Variants in RAPGEF4 observed in about 807,000 individuals in gnomAD.
The protein encoded by RAPGEF4 is Rap guanine nucleotide exchange factor 4.
In RAPGEF4, 66 loss-of-function variants were observed where a neutral mutation model predicts 147.9. The observed-to-expected ratio is 0.45, with a 90% confidence interval of 0.37 to 0.55. RAPGEF4 has a LOEUF of 0.55. Ranked by LOEUF, RAPGEF4 falls within the 20% of genes least tolerant of loss-of-function variation. RAPGEF4 has a pLI of 0.00. For missense variants in RAPGEF4, 1,071 were observed against 1,257.3 expected, an observed-to-expected ratio of 0.85 and a Z score of 2.24; for synonymous variants, 419 against 442.7, an observed-to-expected ratio of 0.95 and a Z score of 0.67.
At chr2:172,789,371 C>T (rs1685572199) in intron 1 of RAPGEF4, among the ~76,000 whole-genome samples, 1 of 152,182 alleles carries the variant, frequency 6.6e-6, no homozygotes, top group South Asian at 2.1e-4. Context: ...AAGGATTATA[C>T]AAGGTGTGGG....
At chr2:172,962,631 T>A (rs960875661) in intron 8 of RAPGEF4, among the ~76,000 whole-genome samples, 1 of 151,996 alleles carries the variant, frequency 6.6e-6, no homozygotes, top group African/African-American at 2.4e-5. Flanking sequence ...CATGAATATG[T>A]TAGAAGACCA....
intron 1 of RAPGEF4, among the ~76,000 whole-genome samples, chr2:172,775,138 G>A (rs974786617): frequency 1.3e-5 from 2 of 152,138 alleles, no homozygotes; most frequent in African/African-American, 4.8e-5. Flanking sequence ...GCATGGGTGG[G>A]TAGTTACAGT....
chr2:172,756,812 T>C (rs1031474820), intron 1 of RAPGEF4, among the ~76,000 whole-genome samples: 4 of 152,190 alleles, frequency 2.6e-5, no homozygotes, highest in African/African-American at 7.2e-5. Context: ...GTAGTTCAAA[T>C]AAAGAATTCC....
chr2:172,959,905 CA>C (rs1559146057), intron 6 of RAPGEF4, among the ~76,000 whole-genome samples: 5 of 152,134 alleles, frequency 3.3e-5, no homozygotes, highest in Non-Finnish European at 7.3e-5. Context: ...GCCTGGGCAA[CA>C]TATCGAGACC....
chr2:172,779,137 C>T (rs569655441), intron 1 of RAPGEF4, among the ~76,000 whole-genome samples: 12 of 152,180 alleles, frequency 7.9e-5, no homozygotes, highest in East Asian at 7.7e-4. Flanking sequence ...ACATTGTTCT[C>T]GGTACTGGAG....
intron 6 of RAPGEF4, among the ~76,000 whole-genome samples, chr2:172,929,395 T>A (rs1270640937): frequency 6.6e-6 from 1 of 152,200 alleles, no homozygotes; most frequent in East Asian, 1.9e-4. Flanking sequence ...TGCACATATA[T>A]ATACATATAC....
chr2:172,764,195 A>T (rs1696613668), intron 1 of RAPGEF4, among the ~76,000 whole-genome samples: 1 of 152,028 alleles, frequency 6.6e-6, no homozygotes, highest in Non-Finnish European at 1.5e-5. Context: ...TTGAGGTTGC[A>T]TTGAACCATG....
At chr2:172,765,937 G>C (rs1177015385) in intron 1 of RAPGEF4, among the ~76,000 whole-genome samples, 1 of 152,174 alleles carries the variant, frequency 6.6e-6, no homozygotes, top group African/African-American at 2.4e-5. Flanking sequence ...ACATGAAGTA[G>C]CTGTCACTTC....
chr2:172,866,367 A>T (rs1694649374), intron 4 of RAPGEF4, among the ~76,000 whole-genome samples: 1 of 152,166 alleles, frequency 6.6e-6, no homozygotes, highest in South Asian at 2.1e-4. Context: ...TAATTTTTCT[A>T]TAGCATTTGA....
chr2:172,788,312 T>G (rs1685444005), intron 1 of RAPGEF4, among the ~76,000 whole-genome samples: 1 of 151,994 alleles, frequency 6.6e-6, no homozygotes, highest in Non-Finnish European at 1.5e-5. Flanking sequence ...TAATAAATAA[T>G]GGGGTTAGAT....
At chr2:172,872,368 GA>G (rs1695338546) in intron 4 of RAPGEF4, among the ~76,000 whole-genome samples, 1 of 152,080 alleles carries the variant, frequency 6.6e-6, no homozygotes, top group Non-Finnish European at 1.5e-5. Flanking sequence ...CAACTTTTAG[GA>G]TAAGGCATCC....
rs201731626 is a variant in RAPGEF4 at position 172,961,090 on chromosome 2, T to A, written c.592-32T>A. ...TTTTCCTTCTATAAACACTTCTTTC[T>A]CCTCCCCTCCTTCCACCTGATTACA... On this transcript the variant is annotated intron_variant, in intron 7 of 30. Transcript: ENST00000397081. 1.3e-4 allele frequency: 193 copies of A among 1,444,606 alleles called. 2 individuals are homozygous for A. The African/African-American group carries it at 2.6e-3, about 19-fold the overall frequency. The allele number at this position is 1,444,606 out of a possible 1,614,324, so 89.5% of individuals were successfully genotyped here.
intron 4 of RAPGEF4, among the ~76,000 whole-genome samples, chr2:172,891,383 C>G (rs1697893211): frequency 6.6e-6 from 1 of 152,196 alleles, no homozygotes; most frequent in Non-Finnish European, 1.5e-5. Flanking sequence ...AACTCAATCT[C>G]TCAATGTATA....
At chr2:172,906,584 G>A (rs1285955807) in intron 4 of RAPGEF4, among the ~76,000 whole-genome samples, 1 of 152,228 alleles carries the variant, frequency 6.6e-6, no homozygotes, top group Non-Finnish European at 1.5e-5. Context: ...GTTGTGGGAA[G>A]GGGTGTGCCC....
chr2:172,786,076 G>A (rs544631005), intron 1 of RAPGEF4, among the ~76,000 whole-genome samples: 2 of 152,146 alleles, frequency 1.3e-5, no homozygotes, highest in African/African-American at 2.4e-5. Flanking sequence ...TTCTTATTTT[G>A]TGCTCCACCT....
At chr2:172,857,128 A>G (rs911740726) in intron 4 of RAPGEF4, among the ~76,000 whole-genome samples, 10 of 151,966 alleles carry the variant, frequency 6.6e-5, no homozygotes, top group African/African-American at 2.4e-4. Context: ...GCAGAACTCT[A>G]TTATCCCACT....
At chr2:172,938,230 C>CACAG (rs985639285) in intron 6 of RAPGEF4, among the ~76,000 whole-genome samples, 4 of 151,892 alleles carry the variant, frequency 2.6e-5, no homozygotes, top group African/African-American at 7.3e-5. Flanking sequence ...CACACACACA[C>CACAG]ACACACACAC....
intron 23 of RAPGEF4, among the ~76,000 whole-genome samples, chr2:173,025,455 T>G (rs1319080651): frequency 6.6e-6 from 1 of 152,234 alleles, no homozygotes; most frequent in African/African-American, 2.4e-5. Flanking sequence ...TTATTTTATT[T>G]TTTTGGAGAT....
At chr2:172,777,833 G>A (rs1403308009) in intron 1 of RAPGEF4, among the ~76,000 whole-genome samples, 4 of 152,066 alleles carry the variant, frequency 2.6e-5, no homozygotes, top group Non-Finnish European at 4.4e-5. Flanking sequence ...TCACACTACT[G>A]TGTATTTATT....
Sources: gnomAD v4.1 joint callset for allele counts (sites outside exome capture counted in the v4.1 genomes callset) on GRCh38, gnomAD v4.1.1 for gene constraint, MANE v1.5 for transcripts, NCBI Gene and HGNC (gene_info 2026-07-23, HGNC 2026-07-21) for gene names.